POFUT3: variants seen among roughly 807,000 people sequenced by gnomAD.
The protein encoded by POFUT3 is protein O-fucosyltransferase 3, also known as GDP-fucose protein O-fucosyltransferase 3.
the POFUT3 span, among the ~76,000 whole-genome samples, chr8:33,398,463 A>G: frequency 4.6e-5 from 7 of 152,218 alleles, no homozygotes; most frequent in African/African-American, 2.4e-5. Flanking sequence ...TAATACATCA[A>G]AACAAATAAT....
chr8:33,445,839 A>C, the POFUT3 span, among the ~76,000 whole-genome samples: 1 of 152,184 alleles, frequency 6.6e-6, no homozygotes, highest in Non-Finnish European at 1.5e-5. Context: ...TAGGAAAAGA[A>C]ACTATAAAAG....
the POFUT3 span, among the ~76,000 whole-genome samples, chr8:33,320,851 T>C: frequency 6.6e-6 from 1 of 152,090 alleles, no homozygotes; most frequent in Non-Finnish European, 1.5e-5. Context: ...ACAAGGCTTC[T>C]AATCCCAGAA....
the POFUT3 span, among the ~76,000 whole-genome samples, chr8:33,412,617 A>G: frequency 6.6e-6 from 1 of 152,030 alleles, no homozygotes; most frequent in Non-Finnish European, 1.5e-5. Context: ...CTGCTTTGCC[A>G]TCTTTGGTTG....
At chr8:33,402,149 T>C in the POFUT3 span, among the ~76,000 whole-genome samples, 1 of 152,226 alleles carries the variant, frequency 6.6e-6, no homozygotes, top group East Asian at 1.9e-4. Flanking sequence ...TCAGAGCATA[T>C]TGTCCATGTG....
the POFUT3 span, among the ~76,000 whole-genome samples, chr8:33,363,648 G>T: frequency 6.6e-6 from 1 of 152,128 alleles, no homozygotes; most frequent in African/African-American, 2.4e-5. Context: ...ACACCTCTAT[G>T]CAAATAAACT....
chr8:33,369,010 A>G, the POFUT3 span, among the ~76,000 whole-genome samples: 1 of 152,174 alleles, frequency 6.6e-6, no homozygotes, highest in Non-Finnish European at 1.5e-5. Context: ...GCCTAGTACA[A>G]TGCCTATTTT....
At chr8:33,462,933 A>G in the POFUT3 span, among the ~76,000 whole-genome samples, 7 of 151,514 alleles carry the variant, frequency 4.6e-5, no homozygotes, top group African/African-American at 1.5e-4. Flanking sequence ...CCTATCTCAA[A>G]AAAAAAAAAG....
At chr8:33,397,177 T>C in the POFUT3 span, among the ~76,000 whole-genome samples, 1 of 152,326 alleles carries the variant, frequency 6.6e-6, no homozygotes, top group African/African-American at 2.4e-5. Flanking sequence ...TACTTCCCTA[T>C]TAGAACTCCC....
the POFUT3 span, among the ~76,000 whole-genome samples, chr8:33,317,933 G>A: frequency 2.6e-5 from 4 of 152,216 alleles, no homozygotes; most frequent in Admixed American, 6.6e-5. Context: ...TGTATTCACT[G>A]CTCTGTTCTC....
the POFUT3 span, among the ~76,000 whole-genome samples, chr8:33,343,889 A>G: frequency 1.3e-5 from 2 of 152,236 alleles, no homozygotes; most frequent in Admixed American, 6.5e-5. Flanking sequence ...CTCCTCTCAT[A>G]TGGCAGAAAG....
the POFUT3 span, among the ~76,000 whole-genome samples, chr8:33,435,227 T>C: frequency 2.0e-5 from 3 of 151,690 alleles, no homozygotes; most frequent in Admixed American, 6.6e-5. Context: ...ATTTAATTTT[T>C]TTTTTTTTGA....
chr8:33,456,523 A>T, the POFUT3 span, among the ~76,000 whole-genome samples: 1 of 151,640 alleles, frequency 6.6e-6, no homozygotes, highest in African/African-American at 2.4e-5. Flanking sequence ...ACGCCCTGCT[A>T]ATTTTTTTGT....
the POFUT3 span, among the ~76,000 whole-genome samples, chr8:33,369,341 C>T: frequency 6.6e-6 from 1 of 152,070 alleles, no homozygotes; most frequent in Non-Finnish European, 1.5e-5. Context: ...TTCTATATCC[C>T]CTTTGAGTTT....
At chr8:33,457,377 T>C in the POFUT3 span, among the ~76,000 whole-genome samples, 1 of 152,124 alleles carries the variant, frequency 6.6e-6, no homozygotes, top group Non-Finnish European at 1.5e-5. Flanking sequence ...ACACCTGTAA[T>C]CTCAGCTACT....
chr8:33,316,855 C>A, the POFUT3 span, among the ~76,000 whole-genome samples: 177 of 152,218 alleles, frequency 1.2e-3, no homozygotes, highest in Non-Finnish European at 1.8e-3. Context: ...CCATATTTCT[C>A]ACCACTTCCT....
At chr8:33,452,454 T>G in the POFUT3 span, 2 of 152,160 alleles carry the variant, frequency 1.3e-5, no homozygotes, top group Admixed American at 6.6e-5. Flanking sequence ...ACAATCCATG[T>G]ATATATGTGA....
the POFUT3 span, among the ~76,000 whole-genome samples, chr8:33,367,965 T>C: frequency 9.9e-5 from 15 of 152,166 alleles, no homozygotes; most frequent in Admixed American, 9.8e-4. Flanking sequence ...TCATCTTCTC[T>C]GGTAAGCTGG....
At chr8:33,370,165 TTACTAAAAAAAAAAA>T in the POFUT3 span, among the ~76,000 whole-genome samples, 1 of 90,168 alleles carries the variant, frequency 1.1e-5, no homozygotes, top group African/African-American at 4.3e-5. Flanking sequence ...AACCCCATCT[TTACTAAAAAAAAAAA>T]AAAAAAAAAA....
chr8:33,447,503 TA>T, the POFUT3 span, among the ~76,000 whole-genome samples: 1 of 151,674 alleles, frequency 6.6e-6, no homozygotes, highest in Non-Finnish European at 1.5e-5. Flanking sequence ...TAAACTAGTC[TA>T]AAAAAAATAA....
Sources: gnomAD v4.1 joint callset for allele counts (sites outside exome capture counted in the v4.1 genomes callset) on GRCh38, gnomAD v4.1.1 for gene constraint, MANE v1.5 for transcripts, NCBI Gene and HGNC (gene_info 2026-07-23, HGNC 2026-07-21) for gene names.